Variants in RRM2B observed in about 807,000 individuals in gnomAD.
The protein encoded by RRM2B is ribonucleotide reductase regulatory TP53 inducible subunit M2B.
In RRM2B, 20 loss-of-function variants were observed where a neutral mutation model predicts 45.9. The observed-to-expected ratio is 0.44, with a 90% confidence interval of 0.31 to 0.63. RRM2B has a LOEUF of 0.63. Ranked by LOEUF, RRM2B falls within the 30% of genes least tolerant of loss-of-function variation. The probability of loss-of-function intolerance (pLI) is 0.09; values close to 1 mark genes in which losing one functional copy is unlikely to be tolerated. For synonymous variants in RRM2B, 124 were observed against 132.3 expected, an observed-to-expected ratio of 0.94 and a Z score of 0.43; for missense variants, 320 against 414.7, an observed-to-expected ratio of 0.77 and a Z score of 1.98.
In RRM2B at chr8:102,226,031, C is replaced by T. The variant is rs515726183; in HGVS notation, c.208G>A (p.Asp70Asn). The change falls in exon 3 of 9, where the codon GAC (aspartate) becomes AAC (asparagine). Residue 70 changes from aspartate (D) to asparagine (N), a missense_variant. Transcript: ENST00000251810. ...QASFWTAEEV[D>N]LSKDLPHWNK... is the part of the protein sequence containing the mutation. The stretch of plus-strand genomic sequence containing the variant: ...CAGTGAGGGAGATCCTTTGATAAGT[C>T]GACCTGGAATAAAAAGATTTTCAAA... 5.0e-6 allele frequency: 8 copies of T among 1,589,814 alleles called. No homozygotes were observed. Among genetic ancestry groups the T allele is most frequent in the Non-Finnish European group, 6.9e-6 (8 of 1,158,288 alleles).
In RRM2B at chr8:102,204,990, C is replaced by T. The variant is rs1318314510; in HGVS notation, c.*3143G>A. 2.0e-5 allele frequency: 3 copies of T among 151,936 alleles called. No individual in the cohort carries two copies. Among genetic ancestry groups the T allele is most frequent in the African/African-American group, 7.2e-5 (3 of 41,430 alleles). The allele number at this position is 151,936 out of a possible 1,614,324, so 9.4% of individuals were successfully genotyped here. On this transcript the variant is annotated 3_prime_UTR_variant, in exon 9 of 9. Transcript: ENST00000251810. ...ATGAGATTCTCTTTCAAATCTTTAA[C>T]TTTTTACAAAGGAGCAGAGCACTTA...
At chr8:102,211,931 C>T (rs959750664) in intron 8 of RRM2B, among the ~76,000 whole-genome samples, 1 of 151,970 alleles carries the variant, frequency 6.6e-6, no homozygotes, top group Non-Finnish European at 1.5e-5. Flanking sequence ...TAATGATTAC[C>T]ACAGCATCAT....
At chr8:102,229,063 G>A (rs1364264361) in intron 2 of RRM2B, among the ~76,000 whole-genome samples, 1 of 152,160 alleles carries the variant, frequency 6.6e-6, no homozygotes, top group African/African-American at 2.4e-5. Flanking sequence ...AGACCAACCT[G>A]GTCAACATAG....
intron 5 of RRM2B, among the ~76,000 whole-genome samples, chr8:102,222,503 G>C (rs936304034): frequency 1.3e-5 from 2 of 152,162 alleles, no homozygotes; most frequent in African/African-American, 2.4e-5. Flanking sequence ...AAGAGTCCCT[G>C]AGAGATCCAC....
chr8:102,226,191 T>A (rs1340696330), intron 2 of RRM2B, among the ~76,000 whole-genome samples, 157 bp from the exon 3 acceptor site: 1 of 152,034 alleles, frequency 6.6e-6, no homozygotes, highest in Non-Finnish European at 1.5e-5. Context: ...AAAAAAAAGT[T>A]ATGTTAACAA....
intron 4 of RRM2B, among the ~76,000 whole-genome samples, chr8:102,224,427 G>T (rs553039301): frequency 3.5e-4 from 53 of 152,156 alleles, no homozygotes; most frequent in Admixed American, 1.4e-3. Context: ...ACCTGCTTCG[G>T]CCTCCCAAGG....
Position 102,207,537 on chromosome 8 carries a change from T to C in RRM2B, c.*596A>G, listed in dbSNP as rs1425164291. On this transcript the variant is annotated 3_prime_UTR_variant, in exon 9 of 9. Transcript: ENST00000251810. Reference sequence around the variant, plus strand: ...TCTTGCGTGAATGAGAATTATGTTCTTTTTAAGGAGATACTTATATTCTTC... The same window carrying C: ...TCTTGCGTGAATGAGAATTATGTTCCTTTTAAGGAGATACTTATATTCTTC... The C allele has an allele frequency of 6.6e-6, 1 of 152,298 alleles. No homozygotes were observed. The highest frequency in any genetic ancestry group is 1.5e-5 in the Non-Finnish European group (1 of 68,092). 9.4% of individuals were successfully genotyped at this position (152,298 alleles called of 1,614,324 possible). A position where few individuals can be genotyped will look rare whatever the true frequency, so the allele number is the denominator to read the frequency against.
chr8:102,232,143 A>C lies in RRM2B; in HGVS notation c.204+6T>G. 1 of 1,613,918 alleles carries C rather than the reference A, an allele frequency of 6.2e-7. No individual in the cohort carries two copies. The highest frequency in any genetic ancestry group is 8.5e-7 in the Non-Finnish European group (1 of 1,179,778). On this transcript the variant is annotated splice_donor_region_variant and intron_variant, in intron 2 of 8. Coordinates refer to ENST00000251810, the MANE Select transcript of RRM2B (RefSeq NM_015713.5). Reference sequence around the variant, plus strand: ...TGTGAATGCTCTTGGAGGCAATGCCACGTACCTCTTCTGCTGTCCAGAAGG... The same window carrying C: ...TGTGAATGCTCTTGGAGGCAATGCCCCGTACCTCTTCTGCTGTCCAGAAGG...
At chr8:102,231,815 G>A (rs1811033566) in intron 2 of RRM2B, among the ~76,000 whole-genome samples, 1 of 148,716 alleles carries the variant, frequency 6.7e-6, no homozygotes, top group Non-Finnish European at 1.5e-5. Context: ...TTTGCAGTGA[G>A]CTGAGATCGC....
At position 102,232,136 on chromosome 8, in the gene RRM2B, C is replaced by A. The variant is rs1309436359; in HGVS notation, c.204+13G>T. 2.5e-6 allele frequency: 4 copies of A among 1,613,284 alleles called. No individual in the cohort carries two copies. Among genetic ancestry groups the A allele is most frequent in the South Asian group, 2.2e-5 (2 of 91,058 alleles). ...TATAGGATGTGAATGCTCTTGGAGG[C>A]AATGCCACGTACCTCTTCTGCTGTC... On this transcript the variant is annotated intron_variant, in intron 2 of 8. Coordinates refer to ENST00000251810, the MANE Select transcript of RRM2B (RefSeq NM_015713.5).
Position 102,214,114 on chromosome 8 carries a change from T to TA in RRM2B, c.728dup (p.Asn244LysfsTer2). ...TGACCCTTTCTTCTGAAGGCTTATT[T>TA]ACTAAGTATTGGAACATCAGGCAAG... On this transcript the variant is annotated frameshift_variant, in exon 7 of 9. Transcript: ENST00000251810. LOFTEE classifies it high-confidence loss of function. The TA allele has an allele frequency of 6.2e-7, 1 of 1,613,638 alleles. No homozygotes were observed. The highest frequency in any genetic ancestry group is 1.1e-5 in the South Asian group (1 of 91,074).
intron 1 of RRM2B, among the ~76,000 whole-genome samples, chr8:102,236,508 A>G (rs1811123211): frequency 6.6e-6 from 1 of 152,220 alleles, no homozygotes; most frequent in African/African-American, 2.4e-5. Flanking sequence ...GCATGAAAAA[A>G]GCAGCTTCAA....
chr8:102,224,664 G>T (rs992277599), intron 4 of RRM2B, among the ~76,000 whole-genome samples: 1 of 152,156 alleles, frequency 6.6e-6, no homozygotes, highest in African/African-American at 2.4e-5. Context: ...CTAAACAGAA[G>T]ATGCTACTGA....
At chr8:102,238,546 G>A (rs1811165409) in intron 1 of RRM2B, 2 of 1,502,946 alleles carry the variant, frequency 1.3e-6, no homozygotes, top group African/African-American at 1.4e-5. Context: ...ATAAACGCAG[G>A]GGTAAGTCTC....
chr8:102,230,887 T>A (rs1442740755), intron 2 of RRM2B, among the ~76,000 whole-genome samples: 1 of 152,220 alleles, frequency 6.6e-6, no homozygotes, highest in Non-Finnish European at 1.5e-5. Context: ...AATTTACTGA[T>A]GAGGATACAC....
Position 102,213,185 on chromosome 8 carries a change from GA to G in RRM2B, c.790-297del, listed in dbSNP as rs112089577. 1.7e-4 allele frequency among the ~76,000 whole-genome samples: 26 copies of G among 150,866 alleles called. 1 individual carries two copies. The highest frequency in any genetic ancestry group is 6.3e-4 in the African/African-American group (26 of 41,182). On this transcript the variant is annotated intron_variant, in intron 7 of 8. Coordinates refer to ENST00000251810, the MANE Select transcript of RRM2B (RefSeq NM_015713.5). ...CTCGGATTCGTATGCTTTCTCAATAGAAAAAAAAGATACTTTGTTCTAAAAT... is the reference window on the plus strand; with the variant it reads ...CTCGGATTCGTATGCTTTCTCAATAGAAAAAAAGATACTTTGTTCTAAAAT...
intron 8 of RRM2B, among the ~76,000 whole-genome samples, chr8:102,208,913 C>A (rs1447158269): frequency 6.6e-6 from 1 of 152,154 alleles, no homozygotes; most frequent in Non-Finnish European, 1.5e-5. Flanking sequence ...CTTTGGGAGG[C>A]CGAGGTAGGT....
chr8:102,238,398 A>T, intron 1 of RRM2B: 1 of 501,554 alleles, frequency 2.0e-6, no homozygotes, highest in Non-Finnish European at 3.2e-6. Context: ...CAATTTCCAC[A>T]CGCGTTCTCC....
intron 2 of RRM2B, among the ~76,000 whole-genome samples, chr8:102,230,055 A>G (rs1587184136): frequency 6.6e-6 from 1 of 152,180 alleles, no homozygotes; most frequent in East Asian, 1.9e-4. Flanking sequence ...GCAAATTCTC[A>G]ATTTCATCAT....
Sources: allele counts gnomAD v4.1 joint callset (sites outside exome capture counted in the v4.1 genomes callset), GRCh38; gene constraint gnomAD v4.1.1; transcripts MANE v1.5; gene names NCBI Gene and HGNC (gene_info 2026-07-23, HGNC 2026-07-21).